Variants in MAX observed in about 807,000 individuals in gnomAD.
The protein encoded by MAX is protein max.
A neutral mutation model predicts 22.3 loss-of-function variants in MAX; 3 were observed. The observed-to-expected ratio is 0.13, with a 90% confidence interval of 0.06 to 0.35. The LOEUF is 0.35. Ranked by LOEUF, MAX falls within the 10% of genes least tolerant of loss-of-function variation. The pLI, the probability that MAX is intolerant of heterozygous loss-of-function variation, is 1.00. For synonymous variants in MAX, 72 were observed against 77.7 expected (o/e 0.93, Z 0.39); for missense variants, 119 against 209.4 (o/e 0.57, Z 2.66).
In MAX at chr14:65,079,023, T is replaced by A. The variant is rs982437324; in HGVS notation, c.172-987A>T. On this transcript the variant is annotated intron_variant, in intron 3 of 4. Coordinates refer to ENST00000358664, the MANE Select transcript of MAX (RefSeq NM_002382.5). The surrounding 1 kb of genome is among the most constrained non-coding windows in gnomAD (Gnocchi z 4.5). ...CGACTCCTGAACTGTACTCCTCCCA[T>A]CTCCTCTGGTTCTTTAGGTTGCTTT... 2.0e-5 allele frequency among the ~76,000 whole-genome samples: 3 copies of A among 152,186 alleles called. No homozygotes were observed. The highest frequency in any genetic ancestry group is 2.4e-5 in the African/African-American group (1 of 41,446).
At chr14:65,087,603 C>T (rs2063374567) in intron 3 of MAX, among the ~76,000 whole-genome samples, 1 of 152,126 alleles carries the variant, frequency 6.6e-6, no homozygotes, top group South Asian at 2.1e-4. Flanking sequence ...CCGATTTCTC[C>T]CATTTGGAAT....
At chr14:65,059,523 G>C (rs1165176453) in intron 3 of MAX, among the ~76,000 whole-genome samples, 2 of 151,882 alleles carry the variant, frequency 1.3e-5, no homozygotes, top group African/African-American at 4.8e-5. Flanking sequence ...AGTCAATTTT[G>C]GCAGTTTTCC....
chr14:65,085,069 G>GA (rs1242767941), intron 3 of MAX, among the ~76,000 whole-genome samples: 1 of 148,110 alleles, frequency 6.8e-6, no homozygotes, highest in Non-Finnish European at 1.5e-5. Context: ...TGAGTACTCT[G>GA]AATTGAGATG....
intron 3 of MAX, among the ~76,000 whole-genome samples, chr14:65,092,205 T>C (rs1389877386): frequency 6.6e-6 from 1 of 152,184 alleles, no homozygotes; most frequent in Admixed American, 6.5e-5. Flanking sequence ...TCTGACTGCT[T>C]GTTATAAATA....
intron 3 of MAX, chr14:65,015,846 C>A: frequency 9.7e-7 from 1 of 1,035,214 alleles, no homozygotes; most frequent in Non-Finnish European, 1.4e-6. Context: ...TTGCTCTTCT[C>A]ATGACCTCCG....
chr14:65,059,023 TTTTTC>T (rs959960643), intron 3 of MAX, among the ~76,000 whole-genome samples: 6 of 152,286 alleles, frequency 3.9e-5, no homozygotes, highest in South Asian at 2.1e-4. Flanking sequence ...ACCTTTTTTC[TTTTTC>T]TTTTCTTTTT....
chr14:65,025,206 G>C (rs1220534311), intron 3 of MAX, among the ~76,000 whole-genome samples: 1 of 152,176 alleles, frequency 6.6e-6, no homozygotes, highest in Non-Finnish European at 1.5e-5. Flanking sequence ...AGGTGTGTCT[G>C]GTACATTCAG....
At position 65,084,335 on chromosome 14, in the gene MAX, A is replaced by C; in HGVS notation, c.172-6299T>G. 2 of 1,224,062 alleles carry C rather than the reference A, an allele frequency of 1.6e-6. No homozygotes were observed. The highest frequency in any genetic ancestry group is 2.4e-6 in the Non-Finnish European group (2 of 825,928). 75.8% of individuals were successfully genotyped at this position (1,224,062 alleles called of 1,614,324 possible). ...AACATGTGGAAAAGCAATTAATTTC[A>C]CAAGTAATAAATAGAATACAAAATT... On this transcript the variant is annotated intron_variant, in intron 3 of 4. Transcript: ENST00000358664. This position sits in a 1 kb window ranked among gnomAD's most constrained non-coding sequence, Gnocchi z 4.3.
At chr14:65,006,261 G>A (rs369406214) in exon 4 of MAX, 11 of 1,613,926 alleles carry the variant, frequency 6.8e-6, no homozygotes, top group African/African-American at 1.3e-5. Context: ...AGACAGGTGG[G>A]AGGGTTAACT....
In MAX at chr14:65,027,456, G is replaced by T; in HGVS notation, c.172-21172C>A. 6.2e-7 allele frequency: 1 copy of T among 1,614,210 alleles called. No individual in the cohort carries two copies. Among genetic ancestry groups the T allele is most frequent in the Non-Finnish European group, 8.5e-7 (1 of 1,180,038 alleles). ...TGCCCTTTGGCTGTGTACCTAGTGTGTGTCAGTTCCTGGAGCTGTGTCAGA... is the reference window on the plus strand; with the variant it reads ...TGCCCTTTGGCTGTGTACCTAGTGTTTGTCAGTTCCTGGAGCTGTGTCAGA... On this transcript the variant is annotated intron_variant, in intron 3 of 3. Transcript: ENST00000341653. The surrounding 1 kb of genome is among the most constrained non-coding windows in gnomAD (Gnocchi z 5.7).
intron 3 of MAX, among the ~76,000 whole-genome samples, chr14:65,025,734 G>A (rs938167050): frequency 1.3e-5 from 2 of 152,154 alleles, no homozygotes; most frequent in Admixed American, 1.3e-4. Flanking sequence ...AGGATAGCTT[G>A]AGTCTGGGGA....
chr14:65,092,981 C>G (rs2063552637), intron 3 of MAX, among the ~76,000 whole-genome samples: 1 of 152,206 alleles, frequency 6.6e-6, no homozygotes, highest in Non-Finnish European at 1.5e-5. Context: ...ATGGAACTAG[C>G]CATGCAGATG....
chr14:65,061,096 G>A (rs769586411), intron 3 of MAX: 9 of 1,557,970 alleles, frequency 5.8e-6, no homozygotes, highest in Non-Finnish European at 7.8e-6. Flanking sequence ...TAAATTCTTA[G>A]AAGTGCCTTT....
At chr14:65,100,754 A>G (rs917818407) in intron 2 of MAX, among the ~76,000 whole-genome samples, 2 of 152,072 alleles carry the variant, frequency 1.3e-5, no homozygotes, top group Admixed American at 1.3e-4. Flanking sequence ...TTTTCCCTCA[A>G]ATCTATTCAT....
chr14:65,024,250 TA>T lies in MAX; in HGVS notation c.172-17967del, dbSNP rs199646191. Among the ~76,000 whole-genome samples the T allele has an allele frequency of 1.5e-3, 232 of 152,134 alleles. 3 individuals are homozygous for T. In the East Asian group the frequency reaches 0.016, roughly 10 times the overall value. On this transcript the variant is annotated intron_variant, in intron 3 of 3. Coordinates refer to the MAX transcript ENST00000341653. ...GAACATTGGAATCACGTGGGGAGTT[TA>T]AAAAAAATACTGCCACCTGGGTCCC... is the stretch of plus-strand genomic sequence containing the variant.
chr14:65,042,752 A>C (rs141002284), intron 3 of MAX, among the ~76,000 whole-genome samples: 5 of 152,326 alleles, frequency 3.3e-5, no homozygotes, highest in Non-Finnish European at 7.3e-5. Flanking sequence ...AAAGTAAATT[A>C]GTCTGCTTAA....
In MAX at chr14:65,032,779, G is replaced by A; in HGVS notation, c.172-26495C>T. 7.3e-7 allele frequency: 1 copy of A among 1,368,060 alleles called. No homozygotes were observed. The highest frequency in any genetic ancestry group is 2.5e-5 in the East Asian group (1 of 39,518). 84.7% of individuals were successfully genotyped at this position (1,368,060 alleles called of 1,614,324 possible). On this transcript the variant is annotated intron_variant, in intron 3 of 3. Coordinates refer to the MAX transcript ENST00000341653. This position sits in a 1 kb window ranked among gnomAD's most constrained non-coding sequence, Gnocchi z 5.0. ...TTCAGAAAAATAAAGAAAATGCAGA[G>A]GGACTTGGAAGGAAATACAAAAATC...
intron 2 of MAX, among the ~76,000 whole-genome samples, chr14:65,100,385 G>T (rs993766042): frequency 6.6e-6 from 1 of 152,176 alleles, no homozygotes; most frequent in African/African-American, 2.4e-5. Flanking sequence ...AGGAGGCGGA[G>T]GTTGCAGTAA....
At position 65,084,754 on chromosome 14, in the gene MAX, C is replaced by T. The variant is rs1057357024; in HGVS notation, c.172-6718G>A. 3.3e-5 allele frequency among the ~76,000 whole-genome samples: 5 copies of T among 152,116 alleles called. No individual in the cohort carries two copies. Among genetic ancestry groups the T allele is most frequent in the Non-Finnish European group, 7.3e-5 (5 of 68,030 alleles). ...AGCGAAAAAATATATTATGTAAAAG[C>T]AGCAAGCTATAAATAGTACTTTCCC... On this transcript the variant is annotated intron_variant, in intron 3 of 4. Coordinates refer to ENST00000358664, the MANE Select transcript of MAX (RefSeq NM_002382.5). The surrounding 1 kb of genome is among the most constrained non-coding windows in gnomAD (Gnocchi z 4.3).
Sources: gnomAD v4.1 joint callset for allele counts (sites outside exome capture counted in the v4.1 genomes callset) on GRCh38, gnomAD v4.1.1 for gene constraint, Gnocchi (gnomAD v3.1) non-coding constraint, MANE v1.5 for transcripts, NCBI Gene and HGNC (gene_info 2026-07-23, HGNC 2026-07-21) for gene names.